POU2F1: variants seen among roughly 807,000 people sequenced by gnomAD.
POU2F1 encodes the protein POU domain, class 2, transcription factor 1.
A neutral mutation model predicts 84.9 loss-of-function variants in POU2F1; 16 were observed. The observed-to-expected ratio is 0.19, with a 90% CI of 0.13 to 0.29. POU2F1 has a LOEUF of 0.29. Ranked by LOEUF, POU2F1 falls within the 10% of genes least tolerant of loss-of-function variation. The probability of loss-of-function intolerance (pLI) is 1.00; values close to 1 mark genes in which losing one functional copy is unlikely to be tolerated. For missense variants in POU2F1, 738 were observed against 942.6 expected (o/e 0.78, Z 2.84); for synonymous variants, 368 against 368.3 (o/e 1.00, Z 0.01).
intron 1 of POU2F1, among the ~76,000 whole-genome samples, chr1:167,242,481 A>G (rs1386464853): frequency 6.6e-6 from 1 of 152,238 alleles, no homozygotes; most frequent in Non-Finnish European, 1.5e-5. Context: ...CTCTAAGACC[A>G]GCTTTCTTAC....
chr1:167,301,954 TTAA>T (rs1654728875), intron 1 of POU2F1, among the ~76,000 whole-genome samples: 1 of 152,174 alleles, frequency 6.6e-6, no homozygotes, highest in East Asian at 1.9e-4. Context: ...ATAAAATATC[TTAA>T]TAAGGTTTTC....
chr1:167,329,888 T>G (rs1656965230), intron 1 of POU2F1, among the ~76,000 whole-genome samples: 1 of 152,170 alleles, frequency 6.6e-6, no homozygotes, highest in Non-Finnish European at 1.5e-5. Context: ...TCTTTTTAAT[T>G]TTTTTAAAAT....
At chr1:167,348,203 G>A (rs972899814) in intron 2 of POU2F1, among the ~76,000 whole-genome samples, 15 of 152,132 alleles carry the variant, frequency 9.9e-5, no homozygotes, top group Non-Finnish European at 5.9e-5. Flanking sequence ...TGTACAGTTA[G>A]TATACTGAAT....
chr1:167,314,869 C>T (rs762076482), intron 1 of POU2F1, among the ~76,000 whole-genome samples: 3 of 152,122 alleles, frequency 2.0e-5, no homozygotes, highest in Non-Finnish European at 2.9e-5. Context: ...TCCCCAGTGT[C>T]GGAGGTGGGG....
intron 1 of POU2F1, among the ~76,000 whole-genome samples, chr1:167,312,293 G>A (rs961658124): frequency 2.7e-5 from 4 of 150,838 alleles, no homozygotes; most frequent in African/African-American, 9.8e-5. Context: ...GGAGTACAGT[G>A]GCACGATCTC....
chr1:167,408,238 G>C (rs185149812), intron 13 of POU2F1, among the ~76,000 whole-genome samples: 4 of 152,202 alleles, frequency 2.6e-5, no homozygotes, highest in Non-Finnish European at 5.9e-5. Flanking sequence ...GATGATAAAT[G>C]TTGGGAAGGA....
chr1:167,365,439 AG>A, intron 2 of POU2F1, 27 bp from the exon 3 acceptor site: 1 of 1,471,408 alleles, frequency 6.8e-7, no homozygotes, highest in Non-Finnish European at 9.2e-7. Context: ...TTCTTTTAAT[AG>A]TTGAAATTAT....
intron 1 of POU2F1, among the ~76,000 whole-genome samples, chr1:167,325,788 C>A (rs1305687225): frequency 6.6e-6 from 1 of 151,358 alleles, no homozygotes; most frequent in Admixed American, 6.6e-5. Flanking sequence ...ACTTGGGAGG[C>A]TGAGGCAGGA....
intron 2 of POU2F1, among the ~76,000 whole-genome samples, chr1:167,360,302 G>GGTTTTCTTCTGGGGTTTTTACAGTTT (rs1392434367): frequency 6.6e-6 from 1 of 152,086 alleles, no homozygotes; most frequent in African/African-American, 2.4e-5. Context: ...GTATCTCCTA[G>GGTTTTCTTCTGGGGTTTTTACAGTTT]GTTTTCTTCT....
chr1:167,246,992 G>A (rs1650366796), intron 1 of POU2F1, among the ~76,000 whole-genome samples: 1 of 151,936 alleles, frequency 6.6e-6, no homozygotes, highest in South Asian at 2.1e-4. Context: ...GTGCTATAGA[G>A]TTTAATGCTA....
intron 8 of POU2F1, among the ~76,000 whole-genome samples, chr1:167,385,799 C>T (rs1647931275): frequency 6.6e-6 from 1 of 152,130 alleles, no homozygotes; most frequent in African/African-American, 2.4e-5. Flanking sequence ...TCAAAAGCTT[C>T]TCTCAAGTGA....
intron 1 of POU2F1, among the ~76,000 whole-genome samples, chr1:167,226,101 T>C (rs1483233757): frequency 6.6e-6 from 1 of 152,216 alleles, no homozygotes; most frequent in African/African-American, 2.4e-5. Flanking sequence ...ATGCCCCCTT[T>C]TGGTTATCCA....
chr1:167,285,342 C>G (rs1045538584), intron 1 of POU2F1, among the ~76,000 whole-genome samples: 2 of 152,176 alleles, frequency 1.3e-5, no homozygotes, highest in Non-Finnish European at 2.9e-5. Context: ...CGGTGGCTCA[C>G]GCCTGTAATC....
chr1:167,341,679 A>G (rs536955370), intron 2 of POU2F1, among the ~76,000 whole-genome samples: 2 of 152,252 alleles, frequency 1.3e-5, no homozygotes, highest in Admixed American at 6.5e-5. Context: ...GCAACTCCCA[A>G]AGCCCAAGTG....
chr1:167,403,016 A>G (rs1379352511), intron 13 of POU2F1, among the ~76,000 whole-genome samples: 1 of 152,258 alleles, frequency 6.6e-6, no homozygotes, highest in Non-Finnish European at 1.5e-5. Context: ...AAGTAATTTT[A>G]GAGAGATTTT....
intron 1 of POU2F1, among the ~76,000 whole-genome samples, chr1:167,288,926 A>G (rs769357855): frequency 2.0e-5 from 3 of 152,252 alleles, no homozygotes; most frequent in African/African-American, 7.2e-5. Context: ...GGGAAACATT[A>G]TAACAATAAG....
In POU2F1 at chr1:167,250,370, C is replaced by A. The variant is rs573080178; in HGVS notation, c.61+29412C>A. 6.6e-5 allele frequency among the ~76,000 whole-genome samples: 10 copies of A among 152,118 alleles called. No homozygotes were observed. The South Asian group carries it at 8.3e-4, about 13-fold the overall frequency. ...GTGTTTTTGGCTTATTATTACTTTG[C>A]TTTTTGTTTTAATTTTATATAGTTA... On this transcript the variant is annotated intron_variant, in intron 1 of 15. Transcript: ENST00000367866.
Position 167,324,406 on chromosome 1 carries a change from A to G in POU2F1, c.62-8064A>G, listed in dbSNP as rs916530453. ...ACAATGTAAAATGTGACTTTCAGTG[A>G]AAAACGTAAAAATCTTTTGAGTTTT... On this transcript the variant is annotated intron_variant, in intron 1 of 15. Transcript: ENST00000367866. Among the ~76,000 whole-genome samples, 10 of 147,310 alleles carry G rather than the reference A, an allele frequency of 6.8e-5. 1 individual carries two copies. The highest frequency in any genetic ancestry group is 2.0e-4 in the Admixed American group (3 of 15,034).
intron 2 of POU2F1, among the ~76,000 whole-genome samples, chr1:167,347,798 G>A (rs567230919): frequency 3.9e-5 from 6 of 152,204 alleles, no homozygotes; most frequent in Non-Finnish European, 8.8e-5. Context: ...GTGACCTTTT[G>A]TGTATGGCTT....
Sources: gnomAD v4.1 joint callset for allele counts (sites outside exome capture counted in the v4.1 genomes callset) on GRCh38, gnomAD v4.1.1 for gene constraint, MANE v1.5 for transcripts, NCBI Gene and HGNC (gene_info 2026-07-23, HGNC 2026-07-21) for gene names.